Variants in KLRD1 observed in about 807,000 individuals in gnomAD.
The protein encoded by KLRD1 is killer cell lectin like receptor D1, also known as natural killer cells antigen CD94.
A neutral mutation model predicts 22.6 loss-of-function variants in KLRD1; 21 were observed. The observed-to-expected ratio is 0.93, with a 90% CI of 0.66 to 1.34. The LOEUF is 1.34. Ranked by LOEUF, KLRD1 falls within the 40% of genes most tolerant of loss-of-function variation. The pLI, the probability that KLRD1 is intolerant of heterozygous loss-of-function variation, is 0.00. For missense variants in KLRD1, 183 were observed against 208.6 expected (o/e 0.88, Z 0.76); for synonymous variants, 59 against 71.1 (o/e 0.83, Z 0.85).
chr12:10,298,325 A>G (rs1052037047), intron 1 of KLRD1, among the ~76,000 whole-genome samples: 6 of 152,254 alleles, frequency 3.9e-5, no homozygotes, highest in African/African-American at 1.4e-4. Context: ...TTCGAACTCT[A>G]AGTAAAATGA....
chr12:10,282,924 T>C (rs1949659596), intron 1 of KLRD1, among the ~76,000 whole-genome samples: 1 of 152,030 alleles, frequency 6.6e-6, no homozygotes. Context: ...CAGAAATAGG[T>C]AGAAATAAAG....
intron 1 of KLRD1, among the ~76,000 whole-genome samples, chr12:10,263,247 C>T (rs1055388629): frequency 1.3e-5 from 2 of 151,952 alleles, no homozygotes; most frequent in South Asian, 2.1e-4. Context: ...AATAATGGTA[C>T]ACTTTCAATC....
intron 1 of KLRD1, among the ~76,000 whole-genome samples, chr12:10,261,449 T>TTAA (rs1949453407): frequency 6.6e-6 from 1 of 152,188 alleles, no homozygotes; most frequent in Admixed American, 6.5e-5. Flanking sequence ...ATTACTGCTG[T>TTAA]TAATGTCTTT....
intron 1 of KLRD1, chr12:10,308,623 AG>A (rs1381315019): frequency 2.6e-5 from 4 of 156,124 alleles, no homozygotes; most frequent in Non-Finnish European, 5.7e-5. Flanking sequence ...GGAATGTTCT[AG>A]GGGAAAAAGG....
chr12:10,313,438 A>C lies in KLRD1; in HGVS notation c.344A>C (p.Tyr115Ser). Residue 115 changes from tyrosine (Y) to serine (S), a missense_variant, in exon 5 of 6, where the codon TAC becomes TCC. Tyr to Ser is a moderately radical substitution (Grantham distance 144). Transcript: ENST00000336164. ...LDFMSSSQQF[Y>S]WIGLSYSEEH... ...TTTATGAGCTCCAGTCAACAATTTT[A>C]CTGGATTGGACTCTCTTACAGTGAG... The C allele has an allele frequency of 6.2e-7, 1 of 1,604,908 alleles. No homozygotes were observed. Among genetic ancestry groups the C allele is most frequent in the Non-Finnish European group, 8.5e-7 (1 of 1,175,042 alleles).
intron 1 of KLRD1, among the ~76,000 whole-genome samples, chr12:10,247,777 A>G (rs573810336): frequency 6.6e-6 from 1 of 152,178 alleles, no homozygotes; most frequent in African/African-American, 2.4e-5. Context: ...ATGGTTTTAT[A>G]AGGGGCTTTT....
At chr12:10,311,363 G>T in intron 3 of KLRD1, 101 bp from the exon 4 acceptor site, 1 of 1,146,662 alleles carries the variant, frequency 8.7e-7, no homozygotes, top group Non-Finnish European at 1.3e-6. Flanking sequence ...GATTCTGAAT[G>T]TTAAAAGAAT....
At chr12:10,246,889 A>G (rs1352101968) in intron 1 of KLRD1, among the ~76,000 whole-genome samples, 1 of 151,340 alleles carries the variant, frequency 6.6e-6, no homozygotes, top group African/African-American at 2.4e-5. Flanking sequence ...TCTTAGTCTA[A>G]ATGAGTAGGG....
rs189610297 is a variant in KLRD1, at chr12:10,257,282, A to T, written c.-101+31049A>T. On this transcript the variant is annotated intron_variant, in intron 1 of 5. Coordinates refer to the KLRD1 transcript ENST00000544747. ...TTTGTAAGATTCATGATTTTTTTTTAAAATCAAATTTGGCAAATTTCTTTA... is the reference window on the plus strand; with the variant it reads ...TTTGTAAGATTCATGATTTTTTTTTTAAATCAAATTTGGCAAATTTCTTTA... Among the ~76,000 whole-genome samples the T allele has an allele frequency of 7.3e-4, 109 of 149,488 alleles. 1 individual carries two copies. Among genetic ancestry groups the T allele is most frequent in the East Asian group, 5.7e-3 (29 of 5,116 alleles).
chr12:10,278,425 C>T (rs983432386), intron 1 of KLRD1, among the ~76,000 whole-genome samples: 5 of 152,166 alleles, frequency 3.3e-5, no homozygotes, highest in African/African-American at 9.7e-5. Flanking sequence ...ATGCTCCCTA[C>T]CATCTGTAGG....
chr12:10,284,204 A>G (rs1949677563), intron 1 of KLRD1, among the ~76,000 whole-genome samples: 1 of 151,926 alleles, frequency 6.6e-6, no homozygotes, highest in Non-Finnish European at 1.5e-5. Context: ...AACAGTAACA[A>G]CAACAACAAC....
At chr12:10,303,600 A>C (rs1250252460), upstream of KLRD1, among the ~76,000 whole-genome samples, 3 of 152,088 alleles carry the variant, frequency 2.0e-5, no homozygotes, top group Non-Finnish European at 4.4e-5. Flanking sequence ...CACATGACCT[A>C]CTCTTGTGTC....
At chr12:10,276,695 C>CA (rs11318914) in intron 1 of KLRD1, among the ~76,000 whole-genome samples, 3,610 of 133,056 alleles carry the variant, frequency 0.027, 149 homozygotes, top group African/African-American at 0.094. Context: ...TAAAATTTGA[C>CA]AAAAAAAAAA....
At chr12:10,258,829 T>C (rs1003147132) in intron 1 of KLRD1, among the ~76,000 whole-genome samples, 5 of 152,172 alleles carry the variant, frequency 3.3e-5, no homozygotes, top group African/African-American at 1.2e-4. Flanking sequence ...ATGGCTATCT[T>C]TCATTAGAAA....
In KLRD1 at chr12:10,324,816, G is replaced by GTA. The variant is rs1397212198; in HGVS notation, c.*10024_*10025insAT. On this transcript the variant is annotated 3_prime_UTR_variant, in exon 6 of 6. Transcript: ENST00000336164. Reference sequence around the variant, plus strand: ...TAAGTATATATGTATATGTGTGTGTGTGTATATATATATATATATATATAT... The same window carrying GTA: ...TAAGTATATATGTATATGTGTGTGTGTATGTATATATATATATATATATATAT... 9.0e-4 allele frequency: 15 copies of GTA among 16,636 alleles called. No individual in the cohort carries two copies. The highest frequency in any genetic ancestry group is 1.3e-3 in the African/African-American group (15 of 11,978). 1.0% of individuals were successfully genotyped at this position (16,636 alleles called of 1,614,324 possible).
chr12:10,289,800 CAG>C (rs909442611), intron 1 of KLRD1, among the ~76,000 whole-genome samples: 4 of 152,014 alleles, frequency 2.6e-5, no homozygotes, highest in African/African-American at 9.7e-5. Flanking sequence ...GTGTGTGTGA[CAG>C]AGTTTCATTC....
At chr12:10,269,637 C>T (rs1165708236) in intron 1 of KLRD1, among the ~76,000 whole-genome samples, 1 of 152,022 alleles carries the variant, frequency 6.6e-6, no homozygotes, top group African/African-American at 2.4e-5. Flanking sequence ...ATGTTTATTA[C>T]TAAAAGTTAC....
chr12:10,259,460 T>C (rs1463741360), intron 1 of KLRD1, among the ~76,000 whole-genome samples: 1 of 152,226 alleles, frequency 6.6e-6, no homozygotes, highest in Admixed American at 6.5e-5. Flanking sequence ...AGCTTTTTAG[T>C]TCTATTTATT....
chr12:10,264,612 G>T (rs940634056), intron 1 of KLRD1, among the ~76,000 whole-genome samples: 1 of 151,678 alleles, frequency 6.6e-6, no homozygotes, highest in Non-Finnish European at 1.5e-5. Context: ...GTGGTATTTT[G>T]GTGTAAGTAG....
Sources: allele counts gnomAD v4.1 joint callset (sites outside exome capture counted in the v4.1 genomes callset), GRCh38; gene constraint gnomAD v4.1.1; transcripts MANE v1.5; gene names NCBI Gene and HGNC (gene_info 2026-07-23, HGNC 2026-07-21).